UNC13C: variants seen among roughly 807,000 people sequenced by gnomAD.
UNC13C encodes unc-13 homolog C, also known as protein unc-13 homolog C.
Under a neutral mutation model 245.4 loss-of-function variants are expected in UNC13C, and 174 were observed. The observed-to-expected ratio is 0.71, with a 90% CI of 0.63 to 0.80. UNC13C has a LOEUF of 0.80. Among genes scored for constraint, UNC13C ranks in the 30% least tolerant of loss-of-function variants. UNC13C has a pLI of 0.00. For missense variants in UNC13C, 2,829 were observed against 2,602.9 expected (o/e 1.09, Z -1.89); for synonymous variants, 992 against 895.1 (o/e 1.11, Z -1.93).
At chr15:54,523,873 C>T (rs1895333274) in intron 24 of UNC13C, among the ~76,000 whole-genome samples, 1 of 152,140 alleles carries the variant, frequency 6.6e-6, no homozygotes, top group South Asian at 2.1e-4. Context: ...CATGGCAGAA[C>T]TTATCTCTCA....
intron 4 of UNC13C, among the ~76,000 whole-genome samples, chr15:54,166,871 T>C (rs2033180048): frequency 6.6e-6 from 1 of 152,156 alleles, no homozygotes; most frequent in South Asian, 2.1e-4. Flanking sequence ...TGTTAGTGGA[T>C]TAGAAGTTGC....
the UNC13C span, among the ~76,000 whole-genome samples, chr15:53,844,865 C>T: frequency 6.6e-6 from 1 of 152,040 alleles, no homozygotes; most frequent in Admixed American, 6.6e-5. Context: ...AGAAGCCATG[C>T]TAGAGGTTGG....
intron 10 of UNC13C, among the ~76,000 whole-genome samples, chr15:54,281,272 TC>T (rs2036989610): frequency 6.6e-6 from 1 of 152,186 alleles, no homozygotes; most frequent in Non-Finnish European, 1.5e-5. Context: ...TGTTTATTAG[TC>T]TTTATACAGA....
chr15:53,985,238 G>A (rs531716529), intron 1 of UNC13C, among the ~76,000 whole-genome samples: 24 of 151,422 alleles, frequency 1.6e-4, no homozygotes, highest in African/African-American at 5.3e-4. Context: ...GAGAATGATG[G>A]TTTCCAGCTT....
At chr15:54,476,420 T>G (rs1403029425) in intron 19 of UNC13C, among the ~76,000 whole-genome samples, 1 of 151,414 alleles carries the variant, frequency 6.6e-6, no homozygotes, top group Non-Finnish European at 1.5e-5. Flanking sequence ...TAGGTTTTCT[T>G]CTAGGGTTTT....
chr15:53,857,794 AATT>A, the UNC13C span, among the ~76,000 whole-genome samples: 1 of 152,182 alleles, frequency 6.6e-6, no homozygotes, highest in Non-Finnish European at 1.5e-5. Flanking sequence ...TTAAAAGTGA[AATT>A]ATATAAATGT....
At chr15:54,408,038 A>G (rs2140939880) in intron 18 of UNC13C, among the ~76,000 whole-genome samples, 2 of 151,590 alleles carry the variant, frequency 1.3e-5, no homozygotes, top group South Asian at 4.2e-4. Context: ...CGTCTCTACT[A>G]AAAATACAAA....
In UNC13C at chr15:54,427,280, C is replaced by T. The variant is rs1393625959; in HGVS notation, c.4933+12213C>T. Among the ~76,000 whole-genome samples the T allele has an allele frequency of 2.6e-5, 4 of 151,702 alleles. No homozygotes were observed. In the East Asian group the frequency reaches 7.8e-4, roughly 30 times the overall value. ...GGCTGGTCTTTCCCATGCTGTTCTC[C>T]TGGTAGTGAATAAGTCTCACAAGAT... On this transcript the variant is annotated intron_variant, in intron 19 of 32. Transcript: ENST00000260323.
At chr15:54,027,780 A>G (rs1595734722) in intron 2 of UNC13C, among the ~76,000 whole-genome samples, 1 of 140,792 alleles carries the variant, frequency 7.1e-6, no homozygotes, top group Non-Finnish European at 1.5e-5. Context: ...AAATTTGCAC[A>G]TTTCCTTTTT....
At chr15:54,157,917 A>G (rs1426838733) in intron 4 of UNC13C, among the ~76,000 whole-genome samples, 1 of 152,220 alleles carries the variant, frequency 6.6e-6, no homozygotes, top group African/African-American at 2.4e-5. Context: ...AGAATTAAAT[A>G]TATTTCTATC....
chr15:54,382,425 C>T (rs923123927), intron 17 of UNC13C, among the ~76,000 whole-genome samples: 1 of 151,892 alleles, frequency 6.6e-6, no homozygotes, highest in African/African-American at 2.4e-5. Flanking sequence ...TCCATCTCCG[C>T]AAAACGTACA....
intron 29 of UNC13C, 78 bp downstream of exon 29, chr15:54,555,590 C>T: frequency 1.9e-6 from 2 of 1,050,626 alleles, no homozygotes; most frequent in Non-Finnish European, 1.4e-6. Flanking sequence ...CTGATCTTAG[C>T]CATGTATCAG....
chr15:53,927,181 C>A, the UNC13C span, among the ~76,000 whole-genome samples: 2 of 152,184 alleles, frequency 1.3e-5, no homozygotes, highest in Middle Eastern at 3.2e-3. Context: ...TTAAGTAACA[C>A]TCCCAAGATG....
At chr15:54,242,255 C>T (rs2035873073) in intron 7 of UNC13C, among the ~76,000 whole-genome samples, 1 of 152,008 alleles carries the variant, frequency 6.6e-6, no homozygotes, top group African/African-American at 2.4e-5. Context: ...AAAACTTGTC[C>T]TCCAAAACCA....
chr15:54,296,859 A>C (rs1047511043), intron 11 of UNC13C, among the ~76,000 whole-genome samples: 2 of 152,198 alleles, frequency 1.3e-5, no homozygotes, highest in African/African-American at 4.8e-5. Context: ...AGGACCCTCC[A>C]CTACAATCAC....
chr15:53,845,405 T>C, the UNC13C span, among the ~76,000 whole-genome samples: 1 of 151,620 alleles, frequency 6.6e-6, no homozygotes, highest in Non-Finnish European at 1.5e-5. Context: ...TCAAAAAGAA[T>C]ACAGCCTCAC....
At chr15:54,553,045 G>A (rs1428528902) in intron 28 of UNC13C, among the ~76,000 whole-genome samples, 14 of 28,814 alleles carry the variant, frequency 4.9e-4, no homozygotes, top group Admixed American at 1.1e-3. Flanking sequence ...AATATATATT[G>A]TATTCTATAT....
chr15:54,531,057 G>T (rs532656301), intron 25 of UNC13C, among the ~76,000 whole-genome samples: 3 of 152,240 alleles, frequency 2.0e-5, no homozygotes, highest in Middle Eastern at 3.4e-3. Context: ...TGGCATTTTC[G>T]GAAGTAATAA....
At chr15:54,400,213 G>T (rs931622860) in intron 18 of UNC13C, among the ~76,000 whole-genome samples, 1 of 151,894 alleles carries the variant, frequency 6.6e-6, no homozygotes, top group African/African-American at 2.4e-5. Flanking sequence ...CCCTGGTATT[G>T]TGTAATCCCT....
Sources: allele counts gnomAD v4.1 joint callset (sites outside exome capture counted in the v4.1 genomes callset), GRCh38; gene constraint gnomAD v4.1.1; transcripts MANE v1.5; gene names NCBI Gene and HGNC (gene_info 2026-07-23, HGNC 2026-07-21).